Variants in SLC60A2 observed in about 807,000 individuals in gnomAD.
The protein encoded by SLC60A2 is major facilitator superfamily domain containing 4B.
the SLC60A2 span, among the ~76,000 whole-genome samples, chr6:111,261,843 C>T: frequency 2.0e-5 from 3 of 152,134 alleles, no homozygotes; most frequent in East Asian, 3.9e-4. Flanking sequence ...CCGCCTGCTT[C>T]GGCCTCCCAA....
chr6:111,262,889 G>C, the SLC60A2 span, among the ~76,000 whole-genome samples: 1 of 152,068 alleles, frequency 6.6e-6, no homozygotes, highest in Admixed American at 6.6e-5. Flanking sequence ...TGTTGTCGTT[G>C]GACAACCCCA....
At chr6:111,263,760 A>C in the SLC60A2 span, 1 of 778,200 alleles carries the variant, frequency 1.3e-6, no homozygotes, top group Non-Finnish European at 2.2e-6. Context: ...ATGTTTGGAC[A>C]TTTATGATAT....
At chr6:111,272,955 C>T in the SLC60A2 span, among the ~76,000 whole-genome samples, 1 of 151,782 alleles carries the variant, frequency 6.6e-6, no homozygotes, top group South Asian at 2.1e-4. Flanking sequence ...CTCAGCCTCC[C>T]AAGTAGCTGG....
chr6:111,277,337 G>T, the SLC60A2 span, among the ~76,000 whole-genome samples: 1 of 152,232 alleles, frequency 6.6e-6, no homozygotes, highest in South Asian at 2.1e-4. Context: ...TTTGTGGATT[G>T]TTTGATTTTT....
the SLC60A2 span, among the ~76,000 whole-genome samples, chr6:111,274,604 C>CCT: frequency 6.6e-6 from 1 of 151,886 alleles, no homozygotes; most frequent in African/African-American, 2.4e-5. Flanking sequence ...TTTTTCCTCT[C>CCT]AATGTTTATC....
chr6:111,279,033 A>T, the SLC60A2 span, among the ~76,000 whole-genome samples: 1 of 152,206 alleles, frequency 6.6e-6, no homozygotes, highest in African/African-American at 2.4e-5. Flanking sequence ...TTTAACTTAA[A>T]TACCAATTTG....
chr6:111,266,179 A>G, the SLC60A2 span: 1 of 1,612,364 alleles, frequency 6.2e-7, no homozygotes, highest in South Asian at 1.1e-5. Context: ...CTGTTTTTAA[A>G]GAATAGCTCA....
chr6:111,259,529 A>G, the SLC60A2 span: 1 of 564,400 alleles, frequency 1.8e-6, no homozygotes, highest in Non-Finnish European at 3.0e-6. Context: ...ACTTCTCCGG[A>G]GCCGCCGAGC....
At chr6:111,260,194 A>G in the SLC60A2 span, among the ~76,000 whole-genome samples, 1 of 152,198 alleles carries the variant, frequency 6.6e-6, no homozygotes, top group Non-Finnish European at 1.5e-5. Flanking sequence ...TACCGGCGTG[A>G]GCCACGGCGC....
At chr6:111,271,583 A>G in the SLC60A2 span, among the ~76,000 whole-genome samples, 2 of 151,712 alleles carry the variant, frequency 1.3e-5, no homozygotes, top group African/African-American at 4.8e-5. Context: ...TATTTTTTTA[A>G]AAAAACCTAA....
At chr6:111,275,736 G>A in the SLC60A2 span, among the ~76,000 whole-genome samples, 7 of 152,032 alleles carry the variant, frequency 4.6e-5, no homozygotes, top group Non-Finnish European at 8.8e-5. Flanking sequence ...GAGATTATAC[G>A]ATGCTTTTCC....
chr6:111,260,077 A>AT, the SLC60A2 span, among the ~76,000 whole-genome samples: 1 of 151,966 alleles, frequency 6.6e-6, no homozygotes, highest in Non-Finnish European at 1.5e-5. Context: ...AGCCCGGCTA[A>AT]TTTTTGTATT....
chr6:111,266,443 C>T, the SLC60A2 span: 1 of 1,614,210 alleles, frequency 6.2e-7, no homozygotes, highest in African/African-American at 1.3e-5. Context: ...TGTTTACAGC[C>T]TGGAACCATG....
At chr6:111,263,808 A>G in the SLC60A2 span, 1 of 1,288,136 alleles carries the variant, frequency 7.8e-7, no homozygotes, top group Non-Finnish European at 1.1e-6. Context: ...TATTTTTTAT[A>G]GCTGAGTTTC....
the SLC60A2 span, chr6:111,263,761 T>TATCAAG: frequency 1.3e-6 from 1 of 784,140 alleles, no homozygotes; most frequent in Non-Finnish European, 2.2e-6. Context: ...TGTTTGGACA[T>TATCAAG]TTATGATATT....
chr6:111,266,351 A>G, the SLC60A2 span: 6 of 1,614,106 alleles, frequency 3.7e-6, 1 homozygote, highest in Admixed American at 1.0e-4. Flanking sequence ...CTGGCATGAA[A>G]GAAAGTGAAG....
the SLC60A2 span, chr6:111,267,886 T>C: frequency 1.3e-5 from 2 of 152,380 alleles, no homozygotes; most frequent in East Asian, 3.8e-4. Context: ...GATCAAAGAA[T>C]GTAATGACTC....
At chr6:111,263,194 T>C in the SLC60A2 span, among the ~76,000 whole-genome samples, 1 of 152,004 alleles carries the variant, frequency 6.6e-6, no homozygotes, top group African/African-American at 2.4e-5. Context: ...TCCCAGAGTA[T>C]TGGGATTACA....
the SLC60A2 span, among the ~76,000 whole-genome samples, chr6:111,264,775 G>A: frequency 7.3e-6 from 1 of 136,272 alleles, no homozygotes; most frequent in Admixed American, 8.0e-5. Flanking sequence ...GTGACAGAGT[G>A]AGACTCCATC....
Sources: allele counts gnomAD v4.1 joint callset (sites outside exome capture counted in the v4.1 genomes callset), GRCh38; gene constraint gnomAD v4.1.1; transcripts MANE v1.5; gene names NCBI Gene and HGNC (gene_info 2026-07-23, HGNC 2026-07-21).